Variants in TSPAN9 observed in about 807,000 individuals in gnomAD.
TSPAN9 encodes the protein tetraspanin 9.
A neutral mutation model predicts 31.0 loss-of-function variants in TSPAN9; 16 were observed. The ratio of observed to expected loss-of-function variants is 0.52; its 90% CI spans 0.35 to 0.78. The LOEUF (loss-of-function observed/expected upper bound fraction) is 0.78, where lower values mean the gene tolerates loss of function less well. TSPAN9 is among the 30% of genes least tolerant of loss of function. The pLI is 0.01. For missense variants in TSPAN9, 272 were observed against 312.5 expected (o/e 0.87, Z 0.98); for synonymous variants, 145 against 121.6 (o/e 1.19, Z -1.27).
chr12:3,238,241 C>CT (rs1237072490), intron 3 of TSPAN9, among the ~76,000 whole-genome samples: 2 of 152,194 alleles, frequency 1.3e-5, no homozygotes, highest in Non-Finnish European at 2.9e-5. Context: ...CGAGCTGAGC[C>CT]TTGAACCCTG....
chr12:3,128,834 C>T (rs933650755), intron 2 of TSPAN9, among the ~76,000 whole-genome samples: 1 of 152,184 alleles, frequency 6.6e-6, no homozygotes, highest in African/African-American at 2.4e-5. Flanking sequence ...AGTACATATA[C>T]ATTATTGTGC....
chr12:3,093,859 T>C (rs903437427), intron 2 of TSPAN9, among the ~76,000 whole-genome samples: 1 of 152,166 alleles, frequency 6.6e-6, no homozygotes, highest in Non-Finnish European at 1.5e-5. Context: ...ATTGTTAATT[T>C]GTACTTATTT....
intron 3 of TSPAN9, among the ~76,000 whole-genome samples, chr12:3,235,843 A>G (rs984896573): frequency 1.3e-5 from 2 of 152,298 alleles, no homozygotes; most frequent in Non-Finnish European, 2.9e-5. Flanking sequence ...AGGTGCCAAT[A>G]TGATTAGCTC....
chr12:3,181,593 C>T (rs1027686646), intron 2 of TSPAN9, among the ~76,000 whole-genome samples: 6 of 152,094 alleles, frequency 3.9e-5, no homozygotes, highest in African/African-American at 1.4e-4. Context: ...ACATAAGTAA[C>T]ACCTAATGAG....
At chr12:3,198,561 C>T (rs2098368796) in intron 2 of TSPAN9, among the ~76,000 whole-genome samples, 1 of 118,766 alleles carries the variant, frequency 8.4e-6, no homozygotes, top group Non-Finnish European at 1.8e-5. Context: ...ACCACCAGCA[C>T]AGGTCACCAC....
At chr12:3,120,380 G>A (rs2098324520) in intron 2 of TSPAN9, among the ~76,000 whole-genome samples, 1 of 152,098 alleles carries the variant, frequency 6.6e-6, no homozygotes, top group Non-Finnish European at 1.5e-5. Context: ...ACCCAGCAGG[G>A]CCAGAGCTCC....
intron 2 of TSPAN9, among the ~76,000 whole-genome samples, chr12:3,105,780 G>GCGCACACA (rs1291607719): frequency 7.3e-6 from 1 of 137,296 alleles, no homozygotes; most frequent in East Asian, 2.2e-4. Flanking sequence ...ACGCACACAC[G>GCGCACACA]CTCATACACA....
chr12:3,280,562 AC>A lies in TSPAN9; in HGVS notation c.432+81del. The stretch of plus-strand genomic sequence containing the variant: ...GTACTTCTAGCTGCCTTCCCCGGTG[AC>A]CTGGCCGGGCACCTGTGCTTTCTGG... On this transcript the variant is annotated intron_variant, in intron 6 of 8. Coordinates refer to ENST00000011898, the MANE Select transcript of TSPAN9 (RefSeq NM_006675.5). The surrounding 1 kb of genome is among the most constrained non-coding windows in gnomAD (Gnocchi z 4.5). 1 of 1,356,228 alleles carries A rather than the reference AC, an allele frequency of 7.4e-7. No individual in the cohort carries two copies. The highest frequency in any genetic ancestry group is 1.0e-6 in the Non-Finnish European group (1 of 978,384). The allele number at this position is 1,356,228 out of a possible 1,614,324, so 84.0% of individuals were successfully genotyped here.
intron 3 of TSPAN9, among the ~76,000 whole-genome samples, chr12:3,238,235 C>A (rs1439565039): frequency 5.3e-5 from 8 of 152,210 alleles, no homozygotes; most frequent in Non-Finnish European, 1.0e-4. Context: ...AGCCACCGAG[C>A]TGAGCCTTGA....
chr12:3,278,480 T>C lies in TSPAN9; in HGVS notation c.123T>C (p.Phe41=). The C allele has an allele frequency of 6.2e-7, 1 of 1,614,250 alleles. No individual in the cohort carries two copies. Among genetic ancestry groups the C allele is most frequent in the African/African-American group, 1.3e-5 (1 of 75,072 alleles). The change falls in exon 4 of 9, where the codon TTT becomes TTC. Residue 41 remains phenylalanine, a synonymous_variant. Transcript: ENST00000011898. ...GGCTCTCCGTGTCCCAAGGCAACTT[T>C]GCCACCTTCTCCCCCAGCTTCCCTT... The part of the protein sequence containing the change: ...GIWLSVSQGN[F]ATFSPSFPSL...
chr12:3,098,018 T>C (rs1591626792), intron 2 of TSPAN9, among the ~76,000 whole-genome samples: 1 of 152,218 alleles, frequency 6.6e-6, no homozygotes, highest in Non-Finnish European at 1.5e-5. Context: ...GAGACACGCA[T>C]GTGTAGATGT....
At position 3,147,900 on chromosome 12, in the gene TSPAN9, G is replaced by T. The variant is rs1354520143; in HGVS notation, c.-17-53277G>T. On this transcript the variant is annotated intron_variant, in intron 2 of 8. Coordinates refer to ENST00000011898, the MANE Select transcript of TSPAN9 (RefSeq NM_006675.5). This position sits in a 1 kb window ranked among gnomAD's most constrained non-coding sequence, Gnocchi z 4.3. ...CTGTGTGAGTGGTGTACACATATGT[G>T]GAGTCGGGTGGGTCGGGGGGCACAG... Among the ~76,000 whole-genome samples the T allele has an allele frequency of 6.6e-6, 1 of 152,146 alleles. No homozygotes were observed. Among genetic ancestry groups the T allele is most frequent in the Non-Finnish European group, 1.5e-5 (1 of 68,038 alleles).
At chr12:3,141,833 C>T (rs748266906) in intron 2 of TSPAN9, among the ~76,000 whole-genome samples, 3 of 152,154 alleles carry the variant, frequency 2.0e-5, no homozygotes, top group Non-Finnish European at 4.4e-5. Context: ...CTTGCTTTTC[C>T]CCTTTGCAGG....
At chr12:3,205,720 C>CG (rs955016223) in intron 3 of TSPAN9, among the ~76,000 whole-genome samples, 1 of 48,266 alleles carries the variant, frequency 2.1e-5, no homozygotes, top group African/African-American at 3.9e-5. Context: ...GCACTTAGGC[C>CG]CCCCCCCCCC....
rs149156817 is a variant in TSPAN9 at position 3,163,684 on chromosome 12, G to C, written c.-17-37493G>C. On this transcript the variant is annotated intron_variant, in intron 2 of 8. Coordinates refer to ENST00000011898, the MANE Select transcript of TSPAN9 (RefSeq NM_006675.5). ...GTATTTACGAGAGACAGATGTCAGCGTGTGGTGTTCCCAATCCATTGCGTA... is the reference window on the plus strand; with the variant it reads ...GTATTTACGAGAGACAGATGTCAGCCTGTGGTGTTCCCAATCCATTGCGTA... 2.0e-5 allele frequency among the ~76,000 whole-genome samples: 3 copies of C among 152,290 alleles called. No individual in the cohort carries two copies. In the South Asian group the frequency reaches 6.2e-4, roughly 32 times the overall value.
chr12:3,127,894 G>A lies in TSPAN9; in HGVS notation c.-18+44175G>A, dbSNP rs180846633. On this transcript the variant is annotated intron_variant, in intron 2 of 8. Transcript: ENST00000011898. ...TTCCACCTCCACCTTCGTATTAGCT[G>A]GGACTACAGGCTTGGTGGCATGCCC... 1.0e-3 allele frequency among the ~76,000 whole-genome samples: 154 copies of A among 152,272 alleles called. 1 individual carries two copies. Among genetic ancestry groups the A allele is most frequent in the African/African-American group, 3.6e-3 (150 of 41,552 alleles).
chr12:3,241,347 A>G (rs1173134189), intron 3 of TSPAN9, among the ~76,000 whole-genome samples: 4 of 152,252 alleles, frequency 2.6e-5, no homozygotes, highest in Non-Finnish European at 4.4e-5. Context: ...GCATTTATAT[A>G]CTATGTATTA....
intron 3 of TSPAN9, among the ~76,000 whole-genome samples, chr12:3,207,775 C>T (rs1181024048): frequency 2.0e-5 from 3 of 150,186 alleles, no homozygotes; most frequent in Admixed American, 6.7e-5. Flanking sequence ...GTTTTAGTGG[C>T]TGGTGGGGGG....
intron 2 of TSPAN9, among the ~76,000 whole-genome samples, chr12:3,105,844 G>C (rs922318973): frequency 3.3e-5 from 4 of 121,406 alleles, no homozygotes; most frequent in African/African-American, 1.1e-4. Context: ...TCATACACAC[G>C]CTCACACACG....
Sources: allele counts gnomAD v4.1 joint callset (sites outside exome capture counted in the v4.1 genomes callset), GRCh38; gene constraint gnomAD v4.1.1; non-coding constraint Gnocchi (gnomAD v3.1); transcripts MANE v1.5; gene names NCBI Gene and HGNC (gene_info 2026-07-23, HGNC 2026-07-21).